The following STK3 variants were observed in gnomAD, a reference collection of about 807,000 sequenced individuals.
STK3 encodes serine/threonine-protein kinase 3.
A neutral mutation model predicts 58.0 loss-of-function variants in STK3; 41 were observed. That is an observed-to-expected ratio of 0.71 (90% CI 0.55 to 0.92). The LOEUF (loss-of-function observed/expected upper bound fraction) is 0.92, where lower values mean the gene tolerates loss of function less well. Among genes scored for constraint, STK3 ranks in the 40% least tolerant of loss-of-function variants. The pLI is 0.00. For synonymous variants in STK3, 170 were observed against 191.0 expected (o/e 0.89, Z 0.91); for missense variants, 479 against 602.7 (o/e 0.79, Z 2.15).
At chr8:98,344,571 G>A in the STK3 span, among the ~76,000 whole-genome samples, 12 of 152,148 alleles carry the variant, frequency 7.9e-5, no homozygotes, top group African/African-American at 1.2e-4. Context: ...GCAATACATG[G>A]CTGGAGCACA....
At chr8:98,519,002 C>T (rs1485444264) in intron 10 of STK3, among the ~76,000 whole-genome samples, 1 of 152,112 alleles carries the variant, frequency 6.6e-6, no homozygotes, top group East Asian at 1.9e-4. Context: ...TCTGAAATAT[C>T]TATAGTTGTC....
chr8:98,442,349 C>T (rs1818729704), intron 1 of STK3, among the ~76,000 whole-genome samples: 1 of 152,258 alleles, frequency 6.6e-6, no homozygotes, highest in Admixed American at 6.5e-5. Flanking sequence ...CTGGTCGAGG[C>T]ATGGGCCATA....
chr8:98,750,760 G>A (rs1364799386), intron 3 of STK3, among the ~76,000 whole-genome samples: 1 of 152,110 alleles, frequency 6.6e-6, no homozygotes. Flanking sequence ...TATGAAGCCA[G>A]CATCATTCTG....
intron 1 of STK3, among the ~76,000 whole-genome samples, chr8:98,903,269 T>G (rs1161567481): frequency 6.6e-6 from 1 of 152,230 alleles, no homozygotes; most frequent in African/African-American, 2.4e-5. Flanking sequence ...CTTTGACTAT[T>G]ATACAGTCCC....
chr8:98,353,438 C>T, the STK3 span, among the ~76,000 whole-genome samples: 1 of 152,202 alleles, frequency 6.6e-6, no homozygotes, highest in Non-Finnish European at 1.5e-5. Context: ...CTGCAGTGAG[C>T]TGTCATTGCA....
At chr8:98,797,358 C>T (rs1833243745) in intron 1 of STK3, among the ~76,000 whole-genome samples, 3 of 152,062 alleles carry the variant, frequency 2.0e-5, no homozygotes, top group South Asian at 4.1e-4. Context: ...GCTTTTCCTT[C>T]TCTCTCTCTC....
chr8:98,893,946 TGTA>T (rs1838356796), intron 1 of STK3, among the ~76,000 whole-genome samples: 2 of 152,262 alleles, frequency 1.3e-5, no homozygotes, highest in Non-Finnish European at 2.9e-5. Flanking sequence ...CCATGCTTCA[TGTA>T]TTTTCCTCCC....
chr8:98,858,290 GTATATATA>G lies in STK3; in HGVS notation c.110+25349_110+25356del, dbSNP rs71572027. On this transcript the variant is annotated intron_variant, in intron 3 of 12. Coordinates refer to the STK3 transcript ENST00000523601. ...CCAGCTACAGTATATACATACATAC[GTATATATA>G]TATATATATATATATATATATATAT... 3.3e-3 allele frequency among the ~76,000 whole-genome samples: 115 copies of G among 34,374 alleles called. 1 individual carries two copies. The highest frequency in any genetic ancestry group is 9.3e-3 in the South Asian group (4 of 430). 22.6% of individuals were successfully genotyped at this position (34,374 alleles called of 152,430 possible).
intron 6 of STK3, among the ~76,000 whole-genome samples, chr8:98,638,934 C>A (rs1819814803): frequency 6.6e-6 from 1 of 151,810 alleles, no homozygotes; most frequent in Admixed American, 6.6e-5. Context: ...TAGACAAGGG[C>A]AAATATAGTA....
chr8:98,814,739 C>T (rs985605580), intron 1 of STK3, among the ~76,000 whole-genome samples: 4 of 152,232 alleles, frequency 2.6e-5, no homozygotes, highest in African/African-American at 4.8e-5. Flanking sequence ...GGCTGGGGTG[C>T]GGTGGCATGA....
chr8:98,359,342 A>C, the STK3 span, among the ~76,000 whole-genome samples: 1 of 108,562 alleles, frequency 9.2e-6, no homozygotes, highest in Non-Finnish European at 1.9e-5. Flanking sequence ...ACCCATCTCA[A>C]CTAAAAAAAA....
Position 98,469,598 on chromosome 8 carries a change from G to A in STK3, c.1318-13598C>T, listed in dbSNP as rs531143565. Among the ~76,000 whole-genome samples the A allele has an allele frequency of 2.6e-4, 39 of 152,300 alleles. No homozygotes were observed. In the South Asian group the frequency reaches 7.7e-3, roughly 30 times the overall value. Reference sequence around the variant, plus strand: ...CTTACTTTACATCTACTGGGAAGCCGGGAGACTGTGGTCATGAGTGGAAAT... The same window carrying A: ...CTTACTTTACATCTACTGGGAAGCCAGGAGACTGTGGTCATGAGTGGAAAT... On this transcript the variant is annotated intron_variant, in intron 10 of 10. Coordinates refer to ENST00000419617, the MANE Select transcript of STK3 (RefSeq NM_006281.4).
chr8:98,641,641 C>T (rs953565389), intron 6 of STK3, among the ~76,000 whole-genome samples: 2 of 152,172 alleles, frequency 1.3e-5, no homozygotes, highest in Non-Finnish European at 2.9e-5. Flanking sequence ...CTACCCCTTA[C>T]TTAAAGAAGA....
chr8:98,742,125 G>A (rs1308814494), intron 4 of STK3, among the ~76,000 whole-genome samples: 2 of 151,836 alleles, frequency 1.3e-5, no homozygotes, highest in African/African-American at 4.8e-5. Flanking sequence ...GGACCAGATG[G>A]ATTCACAGCC....
intron 4 of STK3, among the ~76,000 whole-genome samples, chr8:98,708,690 G>T (rs1484936779): frequency 6.6e-6 from 1 of 152,164 alleles, no homozygotes; most frequent in African/African-American, 2.4e-5. Context: ...ACCTTGTAAG[G>T]TAGTGTGATA....
At chr8:98,864,951 G>A (rs748920601) in intron 3 of STK3, among the ~76,000 whole-genome samples, 3 of 152,156 alleles carry the variant, frequency 2.0e-5, no homozygotes, top group Non-Finnish European at 2.9e-5. Flanking sequence ...TTTCTCTTTA[G>A]GACATGGGCC....
intron 3 of STK3, chr8:98,429,251 G>C: frequency 6.2e-7 from 1 of 1,614,104 alleles, no homozygotes; most frequent in Non-Finnish European, 8.5e-7. Context: ...AGCAACTTGA[G>C]AGTGCCATGC....
At chr8:98,837,591 A>T (rs1180435351) in intron 3 of STK3, among the ~76,000 whole-genome samples, 1 of 152,198 alleles carries the variant, frequency 6.6e-6, no homozygotes, top group Non-Finnish European at 1.5e-5. Context: ...GAAAGACTCC[A>T]TAAGATGAAG....
At chr8:98,614,562 T>C (rs1291720829) in intron 6 of STK3, among the ~76,000 whole-genome samples, 3 of 151,862 alleles carry the variant, frequency 2.0e-5, no homozygotes, top group Non-Finnish European at 2.9e-5. Flanking sequence ...TTCATCTCAC[T>C]AGGGAGTGCC....
Sources: allele counts gnomAD v4.1 joint callset (sites outside exome capture counted in the v4.1 genomes callset), GRCh38; gene constraint gnomAD v4.1.1; transcripts MANE v1.5; gene names NCBI Gene and HGNC (gene_info 2026-07-23, HGNC 2026-07-21).